FAM185A: variants seen among roughly 807,000 people sequenced by gnomAD.
FAM185A encodes the protein family with sequence similarity 185 member A.
FAM185A carries 21 observed loss-of-function variants against 45.7 expected under a neutral mutation model. The ratio of observed to expected loss-of-function variants is 0.46; its 90% confidence interval spans 0.33 to 0.66. The LOEUF (loss-of-function observed/expected upper bound fraction) is 0.66. Among genes scored for constraint, FAM185A ranks in the 30% least tolerant of loss-of-function variants. The pLI is 0.03. For synonymous variants in FAM185A, 117 were observed against 194.0 expected (o/e 0.60, Z 3.30); for missense variants, 305 against 485.4 (o/e 0.63, Z 3.49).
the FAM185A span, among the ~76,000 whole-genome samples, chr7:102,826,724 CATATATATATATAT>C: frequency 0.28 from 17,721 of 62,862 alleles, 2,502 homozygotes; most frequent in South Asian, 0.46. Context: ...GACCCTGTCT[CATATATATATATAT>C]ATATATATAT....
At chr7:102,822,295 A>G in the FAM185A span, 2 of 1,177,108 alleles carry the variant, frequency 1.7e-6, no homozygotes, top group Non-Finnish European at 2.5e-6. Context: ...ATAATAAACT[A>G]CCACAGACTG....
the FAM185A span, among the ~76,000 whole-genome samples, chr7:102,826,769 A>ATGTATG: frequency 4.0e-5 from 4 of 100,742 alleles, no homozygotes; most frequent in Non-Finnish European, 6.0e-5. Flanking sequence ...ATATATATAT[A>ATGTATG]TATGTATATA....
intron 7 of FAM185A, among the ~76,000 whole-genome samples, chr7:102,792,143 T>A (rs1293732739): frequency 6.8e-6 from 1 of 147,724 alleles, no homozygotes; most frequent in South Asian, 2.2e-4. Context: ...TCCCTTAGGT[T>A]CCAGCTTCCC....
chr7:102,849,949 C>T, the FAM185A span, among the ~76,000 whole-genome samples: 2 of 151,632 alleles, frequency 1.3e-5, no homozygotes, highest in African/African-American at 2.4e-5. Flanking sequence ...CCATGACACA[C>T]GCATACCTAT....
intron 6 of FAM185A, among the ~76,000 whole-genome samples, chr7:102,786,107 A>C (rs1015438154): frequency 6.6e-6 from 1 of 152,142 alleles, no homozygotes; most frequent in Non-Finnish European, 1.5e-5. Context: ...CCATCAGAGA[A>C]ATGCAAATCA....
At chr7:102,834,878 ATGTG>A in the FAM185A span, among the ~76,000 whole-genome samples, 12,303 of 146,814 alleles carry the variant, frequency 0.084, 503 homozygotes, top group South Asian at 0.13. Context: ...CCATTCCACA[ATGTG>A]TGTGTGTGTG....
intron 3 of FAM185A, among the ~76,000 whole-genome samples, chr7:102,758,770 A>G (rs186710349): frequency 0.013 from 1,938 of 152,138 alleles, 14 homozygotes; most frequent in Middle Eastern, 0.037. Context: ...TATTGTTGGC[A>G]TAATTAAACA....
the FAM185A span, among the ~76,000 whole-genome samples, chr7:102,848,555 CAAAAAAAAAAAAAAAAAAAAAAAAAAAA>C: frequency 3.8e-3 from 7 of 1,822 alleles, no homozygotes; most frequent in African/African-American, 6.3e-3. Flanking sequence ...GACTCCGTCT[CAAAAAAAAAAAAAAAAAAAAAAAAAAAA>C]AAAAAAAAAA....
intron 7 of FAM185A, among the ~76,000 whole-genome samples, chr7:102,798,498 TGG>T (rs1487727098): frequency 6.6e-6 from 1 of 152,186 alleles, no homozygotes; most frequent in Admixed American, 6.5e-5. Flanking sequence ...ACACTGTGCT[TGG>T]CCTCTATTGC....
chr7:102,776,286 TATTAA>T (rs1795057083), intron 5 of FAM185A, among the ~76,000 whole-genome samples: 1 of 151,548 alleles, frequency 6.6e-6, no homozygotes, highest in Admixed American at 6.6e-5. Context: ...TCAGATAGAA[TATTAA>T]ATTAAAGATT....
intron 2 of FAM185A, among the ~76,000 whole-genome samples, chr7:102,754,328 G>C (rs1202222494): frequency 6.6e-6 from 1 of 152,108 alleles, no homozygotes. Context: ...AGCCTCCCGA[G>C]TAGCTGGGAT....
chr7:102,850,236 A>G, the FAM185A span, among the ~76,000 whole-genome samples: 1 of 152,150 alleles, frequency 6.6e-6, no homozygotes, highest in Non-Finnish European at 1.5e-5. Context: ...GAGTGAAAAG[A>G]AAAATGTCTG....
the FAM185A span, among the ~76,000 whole-genome samples, chr7:102,821,389 C>A: frequency 2.0e-5 from 3 of 152,192 alleles, no homozygotes; most frequent in Admixed American, 1.3e-4. Context: ...ACACACACTT[C>A]CTTGGATAAG....
chr7:102,798,563 A>G (rs1350777789), intron 7 of FAM185A, among the ~76,000 whole-genome samples: 1 of 152,132 alleles, frequency 6.6e-6, no homozygotes, highest in Non-Finnish European at 1.5e-5. Flanking sequence ...GAAATATATT[A>G]TTGGGGAGGT....
chr7:102,816,059 T>C, the FAM185A span: 1 of 152,218 alleles, frequency 6.6e-6, no homozygotes, highest in Non-Finnish European at 1.5e-5. Flanking sequence ...CACTGGTATA[T>C]GCATTTCTTT....
chr7:102,789,593 C>T (rs1796027731), intron 7 of FAM185A, among the ~76,000 whole-genome samples: 1 of 152,282 alleles, frequency 6.6e-6, no homozygotes, highest in African/African-American at 2.4e-5. Context: ...CCTGTAATCT[C>T]AGCTACTCAG....
chr7:102,762,366 A>G (rs937692105), intron 4 of FAM185A, among the ~76,000 whole-genome samples: 11 of 152,360 alleles, frequency 7.2e-5, no homozygotes, highest in Admixed American at 1.3e-4. Context: ...TGCTTCTTGA[A>G]TTTCCACAGA....
At chr7:102,770,742 C>A (rs1794699452) in intron 4 of FAM185A, among the ~76,000 whole-genome samples, 1 of 152,144 alleles carries the variant, frequency 6.6e-6, no homozygotes, top group African/African-American at 2.4e-5. Context: ...AAGGGGAACA[C>A]TCATACACTG....
At chr7:102,792,178 A>G (rs530301033) in intron 7 of FAM185A, among the ~76,000 whole-genome samples, 3 of 150,736 alleles carry the variant, frequency 2.0e-5, no homozygotes, top group African/African-American at 7.4e-5. Flanking sequence ...TGTCAGCTCT[A>G]TAATTTTATT....
Sources: allele counts gnomAD v4.1 joint callset (sites outside exome capture counted in the v4.1 genomes callset), GRCh38; gene constraint gnomAD v4.1.1; transcripts MANE v1.5; gene names NCBI Gene and HGNC (gene_info 2026-07-23, HGNC 2026-07-21).